Variants in MITF observed in about 807,000 individuals in gnomAD.
MITF encodes the protein melanocyte inducing transcription factor.
Under a neutral mutation model 60.5 loss-of-function variants are expected in MITF, and 17 were observed. That is an observed-to-expected ratio of 0.28 (90% CI 0.19 to 0.42). MITF has a LOEUF of 0.42. Ranked by LOEUF, MITF falls within the 10% of genes least tolerant of loss-of-function variation. The pLI, the probability that MITF is intolerant of heterozygous loss-of-function variation, is 1.00. For missense variants in MITF, 622 were observed against 683.5 expected (o/e 0.91, Z 1.00); for synonymous variants, 260 against 248.5 (o/e 1.05, Z -0.43).
chr3:69,837,357 A>G (rs953535602), intron 1 of MITF, among the ~76,000 whole-genome samples: 3 of 152,188 alleles, frequency 2.0e-5, no homozygotes, highest in African/African-American at 7.2e-5. Flanking sequence ...TTTTTAAGGC[A>G]GGTATTACTT....
At chr3:69,893,232 G>A (rs1264686454) in intron 2 of MITF, among the ~76,000 whole-genome samples, 1 of 152,154 alleles carries the variant, frequency 6.6e-6, no homozygotes, top group African/African-American at 2.4e-5. Flanking sequence ...CTTCTGCACT[G>A]GATCGTGAAC....
rs148760234 is a variant in MITF, at chr3:69,854,102, C to G, written c.105-25032C>G. Among the ~76,000 whole-genome samples, 1,517 of 152,254 alleles carry G rather than the reference C, an allele frequency of 1.0e-2. 30 individuals carry two copies. Among genetic ancestry groups the G allele is most frequent in the African/African-American group, 0.034 (1,423 of 41,544 alleles). ...TGACCTCGTGATCCTCCCGCCTCAG[C>G]CTCCCAAAGTGCTGGGATTACAGGC... On this transcript the variant is annotated intron_variant, in intron 1 of 9. Transcript: ENST00000352241.
rs1216380299 is a variant in MITF, at chr3:69,964,920, TGAA to T, written c.1254_1256del (p.Asn419del). ...ACGGGTCTCTGCTCTCCAGATTTGGTGAATCGGATCATCAAGCAAGAACCCGTT... is the reference window on the plus strand; with the variant it reads ...ACGGGTCTCTGCTCTCCAGATTTGGTTCGGATCATCAAGCAAGAACCCGTT... On this transcript the variant is annotated inframe_deletion, in exon 10 of 10. Transcript: ENST00000352241. The T allele has an allele frequency of 6.2e-7, 1 of 1,614,088 alleles. No individual in the cohort carries two copies. Among genetic ancestry groups the T allele is most frequent in the South Asian group, 1.1e-5 (1 of 91,080 alleles).
At chr3:69,958,292 G>A (rs909549459) in intron 8 of MITF, among the ~76,000 whole-genome samples, 1 of 152,162 alleles carries the variant, frequency 6.6e-6, no homozygotes, top group East Asian at 1.9e-4. Context: ...TCTTAGCTCT[G>A]AATATTAAGT....
intron 5 of MITF, among the ~76,000 whole-genome samples, chr3:69,943,627 A>G (rs1340198631): frequency 2.6e-5 from 4 of 152,132 alleles, no homozygotes; most frequent in Admixed American, 6.5e-5. Flanking sequence ...CCTATAATGT[A>G]TCAAGCTCTA....
chr3:69,821,174 CT>C (rs2063265195), intron 1 of MITF, among the ~76,000 whole-genome samples: 1 of 152,172 alleles, frequency 6.6e-6, no homozygotes, highest in African/African-American at 2.4e-5. Flanking sequence ...ATTTCTTTCC[CT>C]TTGATCGTCA....
At chr3:69,840,690 T>A (rs1180608559) in intron 1 of MITF, among the ~76,000 whole-genome samples, 1 of 152,192 alleles carries the variant, frequency 6.6e-6, no homozygotes, top group East Asian at 1.9e-4. Context: ...TGTCATCATT[T>A]GTCAGTATTT....
intron 1 of MITF, among the ~76,000 whole-genome samples, chr3:69,786,540 G>C (rs770053974): frequency 1.3e-5 from 2 of 152,120 alleles, no homozygotes; most frequent in Non-Finnish European, 2.9e-5. Flanking sequence ...GGAGAGGAAA[G>C]GAAATGCATC....
At position 69,964,403 on chromosome 3, in the gene MITF, C is replaced by T. The variant is rs1373959640; in HGVS notation, c.1180-444C>T. Among the ~76,000 whole-genome samples, 4 of 77,902 alleles carry T rather than the reference C, an allele frequency of 5.1e-5. 1 individual carries two copies. The highest frequency in any genetic ancestry group is 4.0e-4 in the South Asian group (1 of 2,522). The allele number at this position is 77,902 out of a possible 152,430, so 51.1% of individuals were successfully genotyped here. On this transcript the variant is annotated intron_variant, in intron 9 of 9. Coordinates refer to ENST00000352241, the MANE Select transcript of MITF (RefSeq NM_001354604.2). ...TTTATTTCACATACTGCCAGTGGTA[C>T]TTCTCCTATACTTTAGAACATACAG... is the stretch of plus-strand genomic sequence containing the variant.
intron 6 of MITF, among the ~76,000 whole-genome samples, chr3:69,950,627 G>GTATATA (rs143648888): frequency 6.4e-4 from 89 of 138,054 alleles, no homozygotes; most frequent in African/African-American, 1.2e-3. Flanking sequence ...TATATGGTGT[G>GTATATA]TATATATATA....
At chr3:69,955,883 C>G (rs1011155348) in intron 7 of MITF, among the ~76,000 whole-genome samples, 6 of 152,110 alleles carry the variant, frequency 3.9e-5, no homozygotes, top group Non-Finnish European at 8.8e-5. Context: ...TTCAGCATGA[C>G]AAGTAAATTC....
intron 2 of MITF, among the ~76,000 whole-genome samples, chr3:69,894,718 T>C (rs77444764): frequency 0.017 from 2,613 of 151,908 alleles, 37 homozygotes; most frequent in Middle Eastern, 0.051. Context: ...ACTCCTCCAC[T>C]CCAATCTCTG....
At chr3:69,824,856 G>A (rs1328812888) in intron 1 of MITF, among the ~76,000 whole-genome samples, 3 of 152,288 alleles carry the variant, frequency 2.0e-5, no homozygotes, top group Admixed American at 6.5e-5. Flanking sequence ...AAACCCTAGA[G>A]GATGGATTCC....
intron 1 of MITF, among the ~76,000 whole-genome samples, chr3:69,798,092 G>T (rs757711834): frequency 1.3e-5 from 2 of 152,180 alleles, no homozygotes; most frequent in Non-Finnish European, 2.9e-5. Context: ...ACCCACCTTA[G>T]GCCTGTAACT....
intron 7 of MITF, among the ~76,000 whole-genome samples, chr3:69,955,536 G>A (rs559922979): frequency 5.3e-5 from 8 of 152,172 alleles, no homozygotes; most frequent in African/African-American, 1.4e-4. Context: ...AAAAAAGGCC[G>A]GACGCAGTGG....
intron 3 of MITF, chr3:69,938,367 G>A (rs1268659464): frequency 3.2e-6 from 5 of 1,569,660 alleles, no homozygotes; most frequent in South Asian, 1.2e-5. Flanking sequence ...GAAGCAGTGA[G>A]AATGCAGAGA....
intron 1 of MITF, among the ~76,000 whole-genome samples, chr3:69,797,683 A>G (rs980412140): frequency 3.3e-5 from 5 of 152,128 alleles, no homozygotes; most frequent in African/African-American, 1.2e-4. Context: ...TTCACTGTAC[A>G]TTTTGTGAAG....
chr3:69,942,908 G>T (rs1013520571), intron 5 of MITF, among the ~76,000 whole-genome samples: 1 of 152,064 alleles, frequency 6.6e-6, no homozygotes, highest in African/African-American at 2.4e-5. Flanking sequence ...AAAGAACTTT[G>T]CTGTGAGAGT....
intron 1 of MITF, among the ~76,000 whole-genome samples, chr3:69,871,987 G>A (rs1381448168): frequency 6.6e-6 from 1 of 152,188 alleles, no homozygotes; most frequent in Non-Finnish European, 1.5e-5. Flanking sequence ...AGATGTGAAT[G>A]GGATTCCACA....
Sources: gnomAD v4.1 joint callset for allele counts (sites outside exome capture counted in the v4.1 genomes callset) on GRCh38, gnomAD v4.1.1 for gene constraint, MANE v1.5 for transcripts, NCBI Gene and HGNC (gene_info 2026-07-23, HGNC 2026-07-21) for gene names.